Variants in FGF12 observed in about 807,000 individuals in gnomAD.
FGF12 encodes fibroblast growth factor 12B.
A neutral mutation model predicts 23.6 loss-of-function variants in FGF12; 14 were observed. The ratio of observed to expected loss-of-function variants is 0.59; its 90% CI spans 0.39 to 0.93. The LOEUF (loss-of-function observed/expected upper bound fraction) is 0.93. Among genes scored for constraint, FGF12 ranks in the 40% least tolerant of loss-of-function variants. FGF12 has a pLI of 0.00. For synonymous variants in FGF12, 62 were observed against 77.3 expected (o/e 0.80, Z 1.04); for missense variants, 175 against 217.8 (o/e 0.80, Z 1.24).
intron 2 of FGF12, among the ~76,000 whole-genome samples, chr3:192,689,542 G>C (rs1717875746): frequency 6.6e-6 from 1 of 152,010 alleles, no homozygotes; most frequent in Non-Finnish European, 1.5e-5. Flanking sequence ...GAATGGAATA[G>C]AGAGCTTGAA....
chr3:192,581,396 C>T (rs1264893571), intron 2 of FGF12, among the ~76,000 whole-genome samples: 1 of 150,454 alleles, frequency 6.6e-6, no homozygotes, highest in Non-Finnish European at 1.5e-5. Flanking sequence ...GATGAGACCT[C>T]ACCTCTCTAA....
Position 192,305,675 on chromosome 3 carries a change from A to AT in FGF12, c.228+29685_228+29686insA, listed in dbSNP as rs1268001855. 6.5e-3 allele frequency among the ~76,000 whole-genome samples: 746 copies of AT among 114,602 alleles called. 8 individuals are homozygous for AT. The highest frequency in any genetic ancestry group is 0.026 in the African/African-American group (663 of 25,896). 75.2% of individuals were successfully genotyped at this position (114,602 alleles called of 152,430 possible). ...GAGAAAGGTGGCTTAGGAAAAAAAA[A>AT]AAAAATATATATATATATATAAATA... On this transcript the variant is annotated intron_variant, in intron 4 of 5. Transcript: ENST00000445105.
intron 2 of FGF12, among the ~76,000 whole-genome samples, chr3:192,556,164 C>G (rs1209249094): frequency 6.6e-6 from 1 of 152,090 alleles, no homozygotes; most frequent in Non-Finnish European, 1.5e-5. Flanking sequence ...ATAAGTCCTT[C>G]CCTATCAGAA....
chr3:192,220,842 T>A (rs1216408968), intron 4 of FGF12, among the ~76,000 whole-genome samples: 1 of 152,232 alleles, frequency 6.6e-6, no homozygotes, highest in East Asian at 1.9e-4. Context: ...ATGTTAAATA[T>A]TCCAATAGTC....
At chr3:192,693,049 C>T (rs1717997092) in intron 2 of FGF12, among the ~76,000 whole-genome samples, 1 of 151,262 alleles carries the variant, frequency 6.6e-6, no homozygotes, top group African/African-American at 2.4e-5. Context: ...ATGTAGAAAA[C>T]CCTAAAGACT....
chr3:192,362,193 G>C (rs540820116), intron 2 of FGF12, among the ~76,000 whole-genome samples: 108 of 152,174 alleles, frequency 7.1e-4, no homozygotes, highest in African/African-American at 2.6e-3. Flanking sequence ...CTATGGACAA[G>C]TCAGGGACAC....
intron 2 of FGF12, among the ~76,000 whole-genome samples, chr3:192,378,859 G>C (rs937281314): frequency 1.3e-5 from 2 of 151,956 alleles, no homozygotes; most frequent in African/African-American, 4.8e-5. Flanking sequence ...CGTCACCCAG[G>C]TACTAAGCCT....
At chr3:192,295,892 A>T (rs1398175252) in intron 4 of FGF12, among the ~76,000 whole-genome samples, 4 of 150,674 alleles carry the variant, frequency 2.7e-5, no homozygotes, top group Non-Finnish European at 4.4e-5. Flanking sequence ...ATTTTATTTT[A>T]TTTTTTTTGA....
intron 2 of FGF12, among the ~76,000 whole-genome samples, chr3:192,519,567 T>C (rs1372874030): frequency 6.6e-6 from 1 of 152,200 alleles, no homozygotes; most frequent in East Asian, 1.9e-4. Flanking sequence ...TTGATAAATA[T>C]ATTGAGGAAA....
At chr3:192,616,247 G>C (rs1054902230) in intron 2 of FGF12, among the ~76,000 whole-genome samples, 23 of 151,906 alleles carry the variant, frequency 1.5e-4, no homozygotes, top group Admixed American at 1.4e-3. Context: ...ATCACTTATG[G>C]TTTATTTAAC....
chr3:192,680,767 G>A (rs149312418), intron 2 of FGF12, among the ~76,000 whole-genome samples: 1 of 152,220 alleles, frequency 6.6e-6, no homozygotes, highest in African/African-American at 2.4e-5. Flanking sequence ...AATCCATTAG[G>A]AAGTATATTC....
chr3:192,170,654 A>C lies in FGF12; in HGVS notation c.231T>G (p.Asp77Glu), dbSNP rs1305399339. 1 of 1,562,158 alleles carries C rather than the reference A, an allele frequency of 6.4e-7. No homozygotes were observed. Among genetic ancestry groups the C allele is most frequent in the African/African-American group, 1.7e-5 (1 of 59,834 alleles). Residue 77 changes from aspartate to glutamate, a missense_variant and splice_region_variant, in exon 5 of 6, where the codon GAT becomes GAG. By Grantham distance (45) the Asp-to-Glu change is conservative. Transcript: ENST00000445105. ...TGAATTTGCATTCTGGAGTGAAAAC[A>C]TCCTGTAGGAAAAAAAAAAAAAGAC... ...MNGEGYLYSS[D>E]VFTPECKFKE...
At chr3:192,657,874 A>G (rs1312515245) in intron 2 of FGF12, among the ~76,000 whole-genome samples, 1 of 152,186 alleles carries the variant, frequency 6.6e-6, no homozygotes, top group Non-Finnish European at 1.5e-5. Context: ...AACACTAATA[A>G]AATTTTCAGA....
chr3:192,239,725 T>C (rs984567532), intron 4 of FGF12, among the ~76,000 whole-genome samples: 1 of 152,182 alleles, frequency 6.6e-6, no homozygotes, highest in Non-Finnish European at 1.5e-5. Flanking sequence ...TGCCTGTAAA[T>C]CTGAGATGAA....
intron 2 of FGF12, among the ~76,000 whole-genome samples, chr3:192,639,809 T>C (rs1447003062): frequency 2.6e-5 from 4 of 152,230 alleles, no homozygotes; most frequent in African/African-American, 7.2e-5. Flanking sequence ...ATCTGTGGAT[T>C]TGGTATTCTT....
At chr3:192,605,291 G>A (rs1714290947) in intron 2 of FGF12, among the ~76,000 whole-genome samples, 1 of 151,426 alleles carries the variant, frequency 6.6e-6, no homozygotes, top group Non-Finnish European at 1.5e-5. Context: ...GCAGGCAGGA[G>A]AATCTCTTGA....
At chr3:192,544,402 C>T (rs1381113460) in intron 2 of FGF12, among the ~76,000 whole-genome samples, 1 of 152,064 alleles carries the variant, frequency 6.6e-6, no homozygotes, top group African/African-American at 2.4e-5. Context: ...GATAGTTGTT[C>T]AATTTGTTAT....
At chr3:192,193,514 G>A (rs1716909345) in intron 4 of FGF12, among the ~76,000 whole-genome samples, 1 of 152,120 alleles carries the variant, frequency 6.6e-6, no homozygotes, top group South Asian at 2.1e-4. Context: ...TTTATCAGCA[G>A]CCCTAACATT....
intron 2 of FGF12, among the ~76,000 whole-genome samples, chr3:192,635,566 C>T (rs569933652): frequency 5.9e-5 from 9 of 152,178 alleles, no homozygotes; most frequent in East Asian, 3.9e-4. Flanking sequence ...AGTGCTTGAC[C>T]GTAGTAAGTT....
Sources: gnomAD v4.1 joint callset for allele counts (sites outside exome capture counted in the v4.1 genomes callset) on GRCh38, gnomAD v4.1.1 for gene constraint, MANE v1.5 for transcripts, NCBI Gene and HGNC (gene_info 2026-07-23, HGNC 2026-07-21) for gene names.